Variants in UBE2E3 observed in about 807,000 individuals in gnomAD.
The protein encoded by UBE2E3 is ubiquitin conjugating enzyme E2 E3.
In UBE2E3, 5 loss-of-function variants were observed where a neutral mutation model predicts 23.6. The ratio of observed to expected loss-of-function variants is 0.21; its 90% CI spans 0.11 to 0.44. UBE2E3 has a LOEUF of 0.44. UBE2E3 is among the 20% of genes least tolerant of loss of function. The probability of loss-of-function intolerance (pLI) is 0.99; values close to 1 mark genes in which losing one functional copy is unlikely to be tolerated. For missense variants in UBE2E3, 81 were observed against 249.8 expected, an observed-to-expected ratio of 0.32 and a Z score of 4.55; for synonymous variants, 78 against 87.5, an observed-to-expected ratio of 0.89 and a Z score of 0.60.
At chr2:181,027,299 T>C (rs1381021559) in intron 3 of UBE2E3, among the ~76,000 whole-genome samples, 7 of 152,100 alleles carry the variant, frequency 4.6e-5, no homozygotes, top group South Asian at 4.1e-4. Flanking sequence ...GAAAGTGTTA[T>C]AGTTACAATA....
At chr2:181,049,923 G>A (rs1434392430) in intron 3 of UBE2E3, among the ~76,000 whole-genome samples, 1 of 151,938 alleles carries the variant, frequency 6.6e-6, no homozygotes, top group African/African-American at 2.4e-5. Context: ...TGATAAGGTT[G>A]TTAGGGCTGG....
At chr2:181,020,479 T>C (rs1292325893) in intron 3 of UBE2E3, among the ~76,000 whole-genome samples, 1 of 152,188 alleles carries the variant, frequency 6.6e-6, no homozygotes, top group Non-Finnish European at 1.5e-5. Flanking sequence ...CAACATTATC[T>C]TTTAGGGGCC....
At chr2:181,029,659 C>CTTTTTTTTTTTTTTTTTTTTTATTTTTTT (rs61149975) in intron 3 of UBE2E3, among the ~76,000 whole-genome samples, 1 of 116,852 alleles carries the variant, frequency 8.6e-6, no homozygotes, top group Admixed American at 8.8e-5. Flanking sequence ...TGTAGACAAT[C>CTTTTTTTTTTTTTTTTTTTTTATTTTTTT]TTTTTTTTTT....
At chr2:181,028,119 ATTGT>A (rs1353638027) in intron 3 of UBE2E3, among the ~76,000 whole-genome samples, 1 of 152,026 alleles carries the variant, frequency 6.6e-6, no homozygotes, top group Non-Finnish European at 1.5e-5. Context: ...AACGGCATAT[ATTGT>A]TTAATTTTGA....
chr2:181,028,818 A>G (rs1197915353), intron 3 of UBE2E3, among the ~76,000 whole-genome samples: 2 of 152,054 alleles, frequency 1.3e-5, no homozygotes, highest in African/African-American at 2.4e-5. Context: ...TCTGTTAATG[A>G]CTTGGTTCTT....
At chr2:180,987,191 T>G (rs1684501727) in intron 3 of UBE2E3, 1 of 901,380 alleles carries the variant, frequency 1.1e-6, no homozygotes, top group African/African-American at 1.7e-5. Context: ...TTATGCTGTT[T>G]ACATAAAGTA....
At chr2:180,991,152 T>TTTG (rs753785164) in intron 3 of UBE2E3, among the ~76,000 whole-genome samples, 5 of 151,724 alleles carry the variant, frequency 3.3e-5, no homozygotes, top group Non-Finnish European at 7.4e-5. Context: ...ACCTTTGATT[T>TTTG]TTTTTTCTTT....
intron 3 of UBE2E3, among the ~76,000 whole-genome samples, chr2:181,016,440 T>A (rs915878321): frequency 6.6e-6 from 1 of 152,104 alleles, no homozygotes; most frequent in African/African-American, 2.4e-5. Context: ...ATAAAAAAAC[T>A]CAAATTTATT....
At chr2:180,998,115 A>G (rs963197233) in intron 3 of UBE2E3, among the ~76,000 whole-genome samples, 4 of 152,104 alleles carry the variant, frequency 2.6e-5, no homozygotes, top group African/African-American at 9.7e-5. Context: ...GTAGAGCACA[A>G]CAGCAACTGT....
At chr2:181,003,432 C>T (rs909527638) in intron 3 of UBE2E3, among the ~76,000 whole-genome samples, 1 of 151,656 alleles carries the variant, frequency 6.6e-6, no homozygotes, top group Admixed American at 6.6e-5. Context: ...AACTTTAAAT[C>T]AAATTATTTA....
rs372130948 is a variant in UBE2E3 at position 181,037,744 on chromosome 2, G to A, written c.246-19949G>A. On this transcript the variant is annotated intron_variant, in intron 3 of 5. Coordinates refer to ENST00000410062, the MANE Select transcript of UBE2E3 (RefSeq NM_006357.4). ...GCACTTTTAGGAGGTTAAGGGGGGA[G>A]GATTATTTGAGGCCAGAAGTTTGAG... 6.3e-3 allele frequency among the ~76,000 whole-genome samples: 956 copies of A among 152,188 alleles called. 14 individuals are homozygous for A. Among genetic ancestry groups the A allele is most frequent in the African/African-American group, 0.021 (889 of 41,528 alleles).
intron 3 of UBE2E3, chr2:180,987,341 G>A (rs1684511288): frequency 6.5e-7 from 1 of 1,549,878 alleles, no homozygotes; most frequent in Admixed American, 2.0e-5. Context: ...TTCCCAGAGG[G>A]TGTCCTTGTC....
At position 180,982,225 on chromosome 2, in the gene UBE2E3, T is replaced by C; in HGVS notation, c.183T>C (p.Thr61=). 1 of 1,611,858 alleles carries C rather than the reference T, an allele frequency of 6.2e-7. No individual in the cohort carries two copies. The highest frequency in any genetic ancestry group is 8.5e-7 in the Non-Finnish European group (1 of 1,179,118). The part of the protein sequence containing the change: ...LSSKTTAKLS[T]SAKRIQKELA... ...GCAAAACCACTGCTAAGTTATCCAC[T>C]AGTGCTAAAAGGTAATGTGTAAAAG... The change falls in exon 2 of 6, where the codon ACT becomes ACC. Residue 61 remains threonine (T), a synonymous_variant. Coordinates refer to ENST00000410062, the MANE Select transcript of UBE2E3 (RefSeq NM_006357.4).
chr2:181,057,107 G>A (rs1288087847), intron 3 of UBE2E3, among the ~76,000 whole-genome samples: 1 of 151,776 alleles, frequency 6.6e-6, no homozygotes, highest in Non-Finnish European at 1.5e-5. Flanking sequence ...CCATATTAAA[G>A]GAGAATAAAG....
At chr2:180,989,351 A>C (rs1684583481) in intron 3 of UBE2E3, among the ~76,000 whole-genome samples, 1 of 152,150 alleles carries the variant, frequency 6.6e-6, no homozygotes, top group African/African-American at 2.4e-5. Context: ...TTTGCATGTG[A>C]AGGTCTGTTA....
chr2:181,019,318 T>G (rs776163297), intron 3 of UBE2E3, among the ~76,000 whole-genome samples: 11 of 152,194 alleles, frequency 7.2e-5, no homozygotes, highest in African/African-American at 2.7e-4. Flanking sequence ...AGACGCTAAA[T>G]CATTGGAACA....
chr2:181,059,330 T>C (rs1267192838), intron 4 of UBE2E3, among the ~76,000 whole-genome samples: 1 of 151,834 alleles, frequency 6.6e-6, no homozygotes. Flanking sequence ...TCATGAATGC[T>C]ATTCTGTTCA....
At chr2:181,033,411 C>G (rs1014694747) in intron 3 of UBE2E3, among the ~76,000 whole-genome samples, 3 of 152,006 alleles carry the variant, frequency 2.0e-5, no homozygotes, top group East Asian at 1.9e-4. Flanking sequence ...ACAAACCTGA[C>G]AAAAACAAGA....
chr2:181,039,582 G>A (rs1222852149), intron 3 of UBE2E3, among the ~76,000 whole-genome samples: 1 of 152,068 alleles, frequency 6.6e-6, no homozygotes, highest in Non-Finnish European at 1.5e-5. Flanking sequence ...ACCATCCTGA[G>A]CAACATGGCG....
Sources: gnomAD v4.1 joint callset for allele counts (sites outside exome capture counted in the v4.1 genomes callset) on GRCh38, gnomAD v4.1.1 for gene constraint, MANE v1.5 for transcripts, NCBI Gene and HGNC (gene_info 2026-07-23, HGNC 2026-07-21) for gene names.